TNIK: variants seen among roughly 807,000 people sequenced by gnomAD.
The protein encoded by TNIK is TRAF2 and NCK-interacting protein kinase.
In TNIK, 49 loss-of-function variants were observed where a neutral mutation model predicts 191.3. That is an observed-to-expected ratio of 0.26 (90% CI 0.20 to 0.32). TNIK has a LOEUF of 0.32. Among genes scored for constraint, TNIK ranks in the 10% least tolerant of loss-of-function variants. The pLI, the probability that TNIK is intolerant of heterozygous loss-of-function variation, is 1.00. For missense variants in TNIK, 1,155 were observed against 1,702.3 expected (o/e 0.68, Z 5.66); for synonymous variants, 594 against 600.9 (o/e 0.99, Z 0.17).
intron 2 of TNIK, among the ~76,000 whole-genome samples, chr3:171,343,617 T>C (rs1268166991): frequency 1.3e-5 from 2 of 152,182 alleles, no homozygotes; most frequent in Non-Finnish European, 2.9e-5. Flanking sequence ...TTCTCTGGAG[T>C]CAACCTCTAG....
intron 2 of TNIK, among the ~76,000 whole-genome samples, chr3:171,238,686 A>G (rs549911837): frequency 1.3e-5 from 2 of 152,326 alleles, no homozygotes; most frequent in East Asian, 3.9e-4. Flanking sequence ...AAAGAATTTG[A>G]CATTTCATAG....
intron 26 of TNIK, among the ~76,000 whole-genome samples, chr3:171,083,489 T>C (rs1346781663): frequency 6.6e-6 from 1 of 152,164 alleles, no homozygotes; most frequent in Non-Finnish European, 1.5e-5. Flanking sequence ...GAGATGTTTA[T>C]AGTAACACAG....
Position 171,334,875 on chromosome 3 carries a change from C to CTT in TNIK, c.123+34743_123+34744dup, listed in dbSNP as rs58249552. ...CTGTATAGTTGATCTTTATAAGTTT[C>CTT]TTTTTTTTTTTTTTACCATAAACTG... On this transcript the variant is annotated intron_variant, in intron 2 of 32. Coordinates refer to ENST00000436636, the MANE Select transcript of TNIK (RefSeq NM_015028.4). Among the ~76,000 whole-genome samples, 967 of 146,070 alleles carry CTT rather than the reference C, an allele frequency of 6.6e-3. 7 individuals are homozygous for CTT. The highest frequency in any genetic ancestry group is 0.022 in the African/African-American group (899 of 40,128).
intron 2 of TNIK, among the ~76,000 whole-genome samples, chr3:171,358,123 G>T (rs1714418043): frequency 6.6e-6 from 1 of 152,090 alleles, no homozygotes; most frequent in Non-Finnish European, 1.5e-5. Flanking sequence ...AAAATGTTTT[G>T]CTGCTTTAAA....
chr3:171,076,369 A>G (rs1192181343), intron 28 of TNIK, among the ~76,000 whole-genome samples: 1 of 152,122 alleles, frequency 6.6e-6, no homozygotes, highest in Non-Finnish European at 1.5e-5. Flanking sequence ...TCTTTATAGC[A>G]TGCCCCTTCT....
chr3:171,288,781 G>A (rs190366372), intron 2 of TNIK, among the ~76,000 whole-genome samples: 150 of 141,256 alleles, frequency 1.1e-3, no homozygotes, highest in African/African-American at 3.8e-3. Context: ...GCACTCCAGC[G>A]TGGATGACAG....
At chr3:171,437,157 G>T (rs1398992906) in intron 1 of TNIK, among the ~76,000 whole-genome samples, 1 of 152,192 alleles carries the variant, frequency 6.6e-6, no homozygotes, top group Admixed American at 6.5e-5. Context: ...TGAAGTCATA[G>T]TTCATTGCAG....
At chr3:171,419,356 T>C (rs1001024145) in intron 1 of TNIK, among the ~76,000 whole-genome samples, 1 of 152,182 alleles carries the variant, frequency 6.6e-6, no homozygotes, top group Non-Finnish European at 1.5e-5. Flanking sequence ...GGGATGGGGA[T>C]AGAGTTGAAG....
At chr3:171,455,559 A>G (rs1432314589) in intron 1 of TNIK, among the ~76,000 whole-genome samples, 1 of 152,168 alleles carries the variant, frequency 6.6e-6, no homozygotes, top group Admixed American at 6.5e-5. Context: ...TTTCTATTAG[A>G]TAAAATCATT....
chr3:171,101,700 T>C (rs1723594014), intron 21 of TNIK, 67 bp from the exon 22 acceptor site: 1 of 1,513,626 alleles, frequency 6.6e-7, no homozygotes, highest in Non-Finnish European at 8.9e-7. Flanking sequence ...TCTCAGCAAG[T>C]CAGTGCTCCA....
intron 1 of TNIK, among the ~76,000 whole-genome samples, chr3:171,420,243 T>G (rs142993726): frequency 6.6e-6 from 1 of 152,180 alleles, no homozygotes; most frequent in Non-Finnish European, 1.5e-5. Context: ...TCCCTGCCTA[T>G]AGGAGTTTGT....
intron 18 of TNIK, among the ~76,000 whole-genome samples, chr3:171,116,125 C>T (rs976193351): frequency 2.6e-5 from 4 of 152,158 alleles, no homozygotes; most frequent in African/African-American, 9.6e-5. Context: ...CTTTACAATG[C>T]CTTTTCTACC....
At chr3:171,181,514 C>A (rs550711481) in intron 7 of TNIK, among the ~76,000 whole-genome samples, 21 of 152,196 alleles carry the variant, frequency 1.4e-4, no homozygotes. Flanking sequence ...CCTGACTCCC[C>A]GACAGCTAAG....
At chr3:171,435,600 C>A (rs1017417310) in intron 1 of TNIK, among the ~76,000 whole-genome samples, 22 of 152,200 alleles carry the variant, frequency 1.4e-4, no homozygotes, top group Middle Eastern at 3.4e-3. Context: ...TCAAAAATAA[C>A]TGCTAAGTTG....
At chr3:171,258,867 A>G (rs1300212569) in intron 2 of TNIK, among the ~76,000 whole-genome samples, 1 of 152,162 alleles carries the variant, frequency 6.6e-6, no homozygotes, top group East Asian at 1.9e-4. Flanking sequence ...TAACCAATTT[A>G]ATTAATTTAC....
intron 12 of TNIK, among the ~76,000 whole-genome samples, chr3:171,156,786 G>A (rs1003419235): frequency 3.3e-5 from 5 of 152,196 alleles, no homozygotes; most frequent in Non-Finnish European, 7.3e-5. Context: ...GACAGGCCCT[G>A]GGTACTAAGG....
chr3:171,179,313 G>A (rs1325354232), intron 7 of TNIK, among the ~76,000 whole-genome samples: 1 of 152,218 alleles, frequency 6.6e-6, no homozygotes, highest in Non-Finnish European at 1.5e-5. Context: ...AAGTGACTGA[G>A]TCTCCCAGAG....
At chr3:171,116,118 T>C (rs553405925) in intron 18 of TNIK, among the ~76,000 whole-genome samples, 3 of 152,368 alleles carry the variant, frequency 2.0e-5, no homozygotes, top group African/African-American at 7.2e-5. Flanking sequence ...GGGAAAACTT[T>C]ACAATGCCTT....
rs1180920282 is a variant in TNIK, at chr3:171,087,597, CT to C, written c.2722-92del. The C allele has an allele frequency of 2.1e-6, 3 of 1,424,130 alleles. No homozygotes were observed. In the African/African-American group the frequency reaches 4.2e-5, roughly 20 times the overall value. 88.2% of individuals were successfully genotyped at this position (1,424,130 alleles called of 1,614,324 possible). ...CCTCACACAGCATAGGCATACGGGG[CT>C]CCAAATCAACCCACTAGGGCATGAG... On this transcript the variant is annotated intron_variant, in intron 23 of 32. Transcript: ENST00000436636.
Sources: gnomAD v4.1 joint callset for allele counts (sites outside exome capture counted in the v4.1 genomes callset) on GRCh38, gnomAD v4.1.1 for gene constraint, MANE v1.5 for transcripts, NCBI Gene and HGNC (gene_info 2026-07-23, HGNC 2026-07-21) for gene names.